The following AGBL4 variants were observed in gnomAD, a reference collection of about 807,000 sequenced individuals.
AGBL4 encodes cytosolic carboxypeptidase 6.
Under a neutral mutation model 66.4 loss-of-function variants are expected in AGBL4, and 58 were observed. That is an observed-to-expected ratio of 0.87 (90% CI 0.71 to 1.09). AGBL4 has a LOEUF of 1.09. AGBL4 is among the 50% of genes least tolerant of loss of function. AGBL4 has a pLI of 0.00. For missense variants in AGBL4, 579 were observed against 631.0 expected, an observed-to-expected ratio of 0.92 and a Z score of 0.88; for synonymous variants, 234 against 222.9, an observed-to-expected ratio of 1.05 and a Z score of -0.44.
At chr1:49,752,193 C>T (rs538039785) in intron 2 of AGBL4, among the ~76,000 whole-genome samples, 2 of 152,232 alleles carry the variant, frequency 1.3e-5, no homozygotes, top group East Asian at 3.9e-4. Flanking sequence ...ATCTTTCCTG[C>T]TTTCTCATGA....
chr1:49,532,435 T>A (rs1403114833), intron 3 of AGBL4, among the ~76,000 whole-genome samples: 1 of 152,096 alleles, frequency 6.6e-6, no homozygotes, highest in Non-Finnish European at 1.5e-5. Context: ...ACATTGAATT[T>A]CATGTTGCTC....
At chr1:48,594,059 C>T (rs978464619) in intron 9 of AGBL4, among the ~76,000 whole-genome samples, 117 of 152,274 alleles carry the variant, frequency 7.7e-4, no homozygotes, top group African/African-American at 2.7e-3. Flanking sequence ...GGCATGGTGG[C>T]TCCCGCCTGT....
intron 6 of AGBL4, among the ~76,000 whole-genome samples, chr1:48,763,457 C>T (rs946754420): frequency 6.6e-6 from 1 of 151,724 alleles, no homozygotes; most frequent in Admixed American, 6.6e-5. Context: ...AATTATCTTG[C>T]AATGGTGTTT....
intron 1 of AGBL4, among the ~76,000 whole-genome samples, chr1:49,878,101 A>C (rs1170647291): frequency 6.7e-6 from 1 of 149,338 alleles, no homozygotes; most frequent in South Asian, 2.1e-4. Flanking sequence ...TGATCCTTTC[A>C]AAAAACCAGC....
intron 3 of AGBL4, among the ~76,000 whole-genome samples, chr1:49,605,226 A>G (rs1645041636): frequency 1.3e-5 from 2 of 152,176 alleles, no homozygotes; most frequent in Non-Finnish European, 2.9e-5. Context: ...GGAGAGAGTC[A>G]AATGGTAAGA....
chr1:49,455,428 T>A (rs945955714), intron 3 of AGBL4, among the ~76,000 whole-genome samples: 3 of 151,652 alleles, frequency 2.0e-5, no homozygotes, highest in Non-Finnish European at 3.0e-5. Flanking sequence ...AAATTAGTTA[T>A]TGTTATTTTG....
chr1:48,673,021 G>C (rs1646302536), intron 6 of AGBL4, among the ~76,000 whole-genome samples: 1 of 152,136 alleles, frequency 6.6e-6, no homozygotes, highest in Non-Finnish European at 1.5e-5. Context: ...TGCCAGGCTA[G>C]TAAGACTCTG....
rs375738813 is a variant in AGBL4, at chr1:49,515,017, A to C, written c.282+182296T>G. Among the ~76,000 whole-genome samples, 77 of 152,202 alleles carry C rather than the reference A, an allele frequency of 5.1e-4. 1 individual carries two copies. Among genetic ancestry groups the C allele is most frequent in the African/African-American group, 9.9e-4 (41 of 41,544 alleles). On this transcript the variant is annotated intron_variant, in intron 3 of 13. Transcript: ENST00000371839. ...CTAAAACACCAAAAGCAATGGCAAC[A>C]AAAGACAAAATTGACAAATGGGATC...
chr1:49,354,633 G>T (rs1447463516), intron 3 of AGBL4, among the ~76,000 whole-genome samples: 2 of 152,112 alleles, frequency 1.3e-5, no homozygotes, highest in Non-Finnish European at 2.9e-5. Context: ...TAACATCTCT[G>T]ATAGGTTCTT....
At chr1:49,705,631 T>C (rs906399022) in intron 2 of AGBL4, among the ~76,000 whole-genome samples, 5 of 152,162 alleles carry the variant, frequency 3.3e-5, no homozygotes, top group Admixed American at 2.0e-4. Context: ...TTTTCAAAGA[T>C]AACGTTTCCA....
intron 11 of AGBL4, among the ~76,000 whole-genome samples, chr1:48,564,836 C>T (rs981651915): frequency 2.0e-5 from 3 of 152,198 alleles, no homozygotes; most frequent in African/African-American, 4.8e-5. Context: ...ACGGAGTCAG[C>T]CATGGGCCAC....
chr1:49,226,348 A>C (rs958469474), intron 4 of AGBL4, among the ~76,000 whole-genome samples: 2 of 152,220 alleles, frequency 1.3e-5, no homozygotes, highest in African/African-American at 4.8e-5. Flanking sequence ...AAATTAGACA[A>C]AATTGATTTT....
chr1:49,981,673 C>T (rs562321600), intron 1 of AGBL4, among the ~76,000 whole-genome samples: 8 of 152,240 alleles, frequency 5.3e-5, no homozygotes, highest in East Asian at 1.9e-4. Context: ...AACATCTCTG[C>T]GCCTTCCTTT....
intron 3 of AGBL4, among the ~76,000 whole-genome samples, chr1:49,567,514 A>C (rs1375227459): frequency 6.6e-6 from 1 of 152,228 alleles, no homozygotes; most frequent in Non-Finnish European, 1.5e-5. Context: ...TTTTACTTAC[A>C]TATAATAAAA....
chr1:49,725,691 T>TG (rs1261257641), intron 2 of AGBL4, among the ~76,000 whole-genome samples: 1 of 147,644 alleles, frequency 6.8e-6, no homozygotes, highest in East Asian at 2.0e-4. Flanking sequence ...GGTTTTTTTT[T>TG]TTTTTTTTTT....
chr1:49,555,270 C>T (rs1653335767), intron 3 of AGBL4, among the ~76,000 whole-genome samples: 2 of 150,608 alleles, frequency 1.3e-5, no homozygotes, highest in South Asian at 4.3e-4. Flanking sequence ...TAGCTAGACA[C>T]AAAAGTTCTC....
At chr1:49,430,959 T>C (rs527245717) in intron 3 of AGBL4, among the ~76,000 whole-genome samples, 2 of 152,334 alleles carry the variant, frequency 1.3e-5, no homozygotes, top group South Asian at 4.1e-4. Context: ...TTGTTGCACA[T>C]AGGTGTAGAT....
chr1:48,807,598 T>C (rs1645954801), intron 6 of AGBL4, among the ~76,000 whole-genome samples: 2 of 152,228 alleles, frequency 1.3e-5, no homozygotes, highest in Admixed American at 1.3e-4. Flanking sequence ...TCTCAGCGTG[T>C]GATCTGCTCT....
chr1:48,728,627 A>C (rs560217864), intron 6 of AGBL4, among the ~76,000 whole-genome samples: 36 of 152,162 alleles, frequency 2.4e-4, no homozygotes, highest in Non-Finnish European at 3.7e-4. Context: ...TTGTCAATGG[A>C]TACTTGGTTT....
Sources: gnomAD v4.1 joint callset for allele counts (sites outside exome capture counted in the v4.1 genomes callset) on GRCh38, gnomAD v4.1.1 for gene constraint, MANE v1.5 for transcripts, NCBI Gene and HGNC (gene_info 2026-07-23, HGNC 2026-07-21) for gene names.